Variants in COL4A1 observed in about 807,000 individuals in gnomAD.
COL4A1 encodes the protein collagen alpha-1(IV) chain.
In COL4A1, 40 loss-of-function variants were observed where a neutral mutation model predicts 216.6. That is an observed-to-expected ratio of 0.18 (90% CI 0.14 to 0.24). The LOEUF is 0.24. Ranked by LOEUF, COL4A1 falls within the 10% of genes least tolerant of loss-of-function variation. The pLI, the probability that COL4A1 is intolerant of heterozygous loss-of-function variation, is 1.00. For synonymous variants in COL4A1, 839 were observed against 810.7 expected, an observed-to-expected ratio of 1.03 and a Z score of -0.59; for missense variants, 1,628 against 2,196.8, an observed-to-expected ratio of 0.74 and a Z score of 5.18.
In COL4A1 at chr13:110,168,925, C is replaced by T. The variant is rs112268760; in HGVS notation, c.3876+704G>A. 7.2e-5 allele frequency among the ~76,000 whole-genome samples: 11 copies of T among 152,280 alleles called. 1 individual carries two copies. The highest frequency in any genetic ancestry group is 2.4e-4 in the African/African-American group (10 of 41,566). ...CTGCTAATCCAGCTATTTGAATGAGCGAGCCACGTAAACACAATCCTTTAG... is the reference window on the plus strand; with the variant it reads ...CTGCTAATCCAGCTATTTGAATGAGTGAGCCACGTAAACACAATCCTTTAG... On this transcript the variant is annotated intron_variant, in intron 43 of 51. Transcript: ENST00000375820.
intron 2 of COL4A1, among the ~76,000 whole-genome samples, chr13:110,218,655 A>T (rs980846424): frequency 7.2e-5 from 11 of 152,206 alleles, no homozygotes; most frequent in African/African-American, 2.7e-4. Context: ...AGAGGTAGTG[A>T]AAGGTTACTG....
intron 2 of COL4A1, among the ~76,000 whole-genome samples, chr13:110,230,649 A>G (rs1566396275): frequency 6.6e-6 from 1 of 152,114 alleles, no homozygotes; most frequent in Non-Finnish European, 1.5e-5. Flanking sequence ...CCAGGTCCCT[A>G]TCAAAGGCCC....
intron 1 of COL4A1, among the ~76,000 whole-genome samples, chr13:110,253,735 GTATGTATTACATATACATATAAT>G (rs1882367562): frequency 7.3e-6 from 1 of 137,566 alleles, no homozygotes; most frequent in Non-Finnish European, 1.5e-5. Flanking sequence ...TTATACGTAT[GTATGTATTACATATACATATAAT>G]TATACGTATG....
At chr13:110,220,939 C>T (rs1217164077) in intron 2 of COL4A1, among the ~76,000 whole-genome samples, 6 of 152,164 alleles carry the variant, frequency 3.9e-5, no homozygotes, top group Admixed American at 2.6e-4. Context: ...AATCCCAAGC[C>T]CTCACGATAA....
chr13:110,250,538 G>C (rs1470813850), intron 1 of COL4A1, among the ~76,000 whole-genome samples: 1 of 152,090 alleles, frequency 6.6e-6, no homozygotes, highest in Non-Finnish European at 1.5e-5. Context: ...GTTCCTGCTT[G>C]GGGAATAGGA....
chr13:110,229,955 C>T (rs760833793), intron 2 of COL4A1, among the ~76,000 whole-genome samples: 37 of 152,194 alleles, frequency 2.4e-4, no homozygotes, highest in South Asian at 6.2e-4. Context: ...TCTCACTCCA[C>T]GGTAACTGCC....
At position 110,288,274 on chromosome 13, in the gene COL4A1, A is replaced by AAAT. The variant is rs1555316112; in HGVS notation, c.84+18667_84+18669dup. On this transcript the variant is annotated intron_variant, in intron 1 of 51. Coordinates refer to ENST00000375820, the MANE Select transcript of COL4A1 (RefSeq NM_001845.6). ...CGAAACTCCCTCTCAAAAAAAAAAA[A>AAAT]AATAATAATAATAATAATAATAATT... 1.8e-3 allele frequency among the ~76,000 whole-genome samples: 251 copies of AAAT among 139,432 alleles called. 1 individual carries two copies. Among genetic ancestry groups the AAAT allele is most frequent in the Non-Finnish European group, 2.8e-3 (184 of 65,484 alleles). The allele number at this position is 139,432 out of a possible 152,430, so 91.5% of individuals were successfully genotyped here.
At chr13:110,176,863 A>T in intron 34 of COL4A1, 22 bp downstream of exon 34, 1 of 1,614,228 alleles carries the variant, frequency 6.2e-7, no homozygotes. Context: ...GAGCTTGGCC[A>T]TGAGAAGCCT....
At chr13:110,222,209 G>T (rs1243995578) in intron 2 of COL4A1, among the ~76,000 whole-genome samples, 1 of 152,090 alleles carries the variant, frequency 6.6e-6, no homozygotes, top group East Asian at 1.9e-4. Context: ...CTCCCCGGCG[G>T]GCCCTGGCAC....
chr13:110,170,533 C>A lies in COL4A1; in HGVS notation c.3742+14G>T, dbSNP rs377503687. ...CCCAGTCCTCAGCCCTGGCCCCTGG[C>A]GAGATGCCCTTACCTGGCAGGCCAG... On this transcript the variant is annotated intron_variant, in intron 42 of 51. Transcript: ENST00000375820. The A allele has an allele frequency of 2.5e-6, 4 of 1,588,730 alleles. No homozygotes were observed. The highest frequency in any genetic ancestry group is 1.3e-5 in the African/African-American group (1 of 74,542).
At chr13:110,228,978 G>T (rs952647935) in intron 2 of COL4A1, among the ~76,000 whole-genome samples, 1 of 152,212 alleles carries the variant, frequency 6.6e-6, no homozygotes, top group Non-Finnish European at 1.5e-5. Flanking sequence ...AAAAGAAAAA[G>T]GGGAGGAAAA....
At chr13:110,228,238 G>T (rs9555676) in intron 2 of COL4A1, among the ~76,000 whole-genome samples, 2 of 33,034 alleles carry the variant, frequency 6.1e-5, no homozygotes, top group East Asian at 5.7e-4. Context: ...GTGCGGGGGC[G>T]GGGGGGGGGT....
chr13:110,263,554 T>A (rs556710152), intron 1 of COL4A1, among the ~76,000 whole-genome samples: 1 of 152,276 alleles, frequency 6.6e-6, no homozygotes, highest in South Asian at 2.1e-4. Flanking sequence ...CCTGGACTCA[T>A]GCGATCCTCC....
At chr13:110,269,793 T>C (rs1488871810) in intron 1 of COL4A1, among the ~76,000 whole-genome samples, 1 of 151,900 alleles carries the variant, frequency 6.6e-6, no homozygotes, top group Non-Finnish European at 1.5e-5. Context: ...CTGAAGTGAT[T>C]ATACCATAAA....
chr13:110,163,504 G>A lies in COL4A1; in HGVS notation c.4208C>T (p.Ala1403Val), dbSNP rs1482566742. 9.9e-6 allele frequency: 16 copies of A among 1,613,994 alleles called. No individual in the cohort carries two copies. Among genetic ancestry groups the A allele is most frequent in the Admixed American group, 1.7e-5 (1 of 59,992 alleles). The change falls in exon 47 of 52, where the codon GCC (alanine) becomes GTC (valine). Residue 1403 changes from alanine to valine, a missense_variant. By Grantham distance (64) the Ala-to-Val change is moderately conservative. This residue lies in a region of COL4A1 where 345 missense variants were observed against 476.9 expected (regional missense o/e 0.72). Coordinates refer to ENST00000375820, the MANE Select transcript of COL4A1 (RefSeq NM_001845.6). ...GPPGIPGFDG[A>V]PGQKGEMGPA... ...TCCCATCTCTCCTTTCTGGCCAGGG[G>A]CACCGTCAAACCCAGGAATACCTGG...
Position 110,175,066 on chromosome 13 carries a change from A to G in COL4A1, c.3198+152T>C. ...CTTCCTTGGGGGAGAGGTAGTGAAT[A>G]CAAGGGGAAGGAGAGGCGACTTGTG... is the stretch of plus-strand genomic sequence containing the variant. On this transcript the variant is annotated intron_variant, in intron 37 of 51. Transcript: ENST00000375820. The G allele has an allele frequency of 4.2e-6, 4 of 946,946 alleles. No homozygotes were observed. In the Admixed American group the frequency reaches 7.7e-5, roughly 18 times the overall value. 58.7% of individuals were successfully genotyped at this position (946,946 alleles called of 1,614,324 possible).
At position 110,186,414 on chromosome 13, in the gene COL4A1, G is replaced by C; in HGVS notation, c.1868C>G (p.Pro623Arg). ...CAGGCCTGGGGATCCAGGGCCTCCAGGAAAGCCTGCTTGTCCTTTGTCACC... is the reference window on the plus strand; with the variant it reads ...CAGGCCTGGGGATCCAGGGCCTCCACGAAAGCCTGCTTGTCCTTTGTCACC... Reference protein sequence around the residue: ...PIGDKGQAGFPGGPGSPGLPG... With the variant: ...PIGDKGQAGFRGGPGSPGLPG... The change falls in exon 26 of 52, where the codon CCT becomes CGT. Residue 623 changes from proline (P) to arginine (R), a missense_variant. Pro to Arg is a moderately radical substitution (Grantham distance 103). Transcript: ENST00000375820. 7.4e-6 allele frequency: 12 copies of C among 1,613,570 alleles called. No homozygotes were observed. The highest frequency in any genetic ancestry group is 1.0e-5 in the Non-Finnish European group (12 of 1,180,036).
At chr13:110,183,713 T>C (rs942213471) in intron 26 of COL4A1, among the ~76,000 whole-genome samples, 2 of 152,172 alleles carry the variant, frequency 1.3e-5, no homozygotes, top group African/African-American at 4.8e-5. Flanking sequence ...TGGTGGGAAA[T>C]TATCCAAACA....
At chr13:110,277,325 T>A (rs1312897066) in intron 1 of COL4A1, among the ~76,000 whole-genome samples, 1 of 152,252 alleles carries the variant, frequency 6.6e-6, no homozygotes, top group Non-Finnish European at 1.5e-5. Context: ...GCTGCTGACA[T>A]GTTCTGTCTA....
Sources: gnomAD v4.1 joint callset for allele counts (sites outside exome capture counted in the v4.1 genomes callset) on GRCh38, gnomAD v4.1.1 for gene constraint, gnomAD v4.1.1 regional missense constraint, MANE v1.5 for transcripts, NCBI Gene and HGNC (gene_info 2026-07-23, HGNC 2026-07-21) for gene names.